OTUD7A: variants seen among roughly 807,000 people sequenced by gnomAD.
OTUD7A encodes OTU domain-containing protein 7A.
A neutral mutation model predicts 65.7 loss-of-function variants in OTUD7A; 12 were observed. That is an observed-to-expected ratio of 0.18 (90% CI 0.12 to 0.30). The LOEUF (loss-of-function observed/expected upper bound fraction) is 0.30. OTUD7A is among the 10% of genes least tolerant of loss of function. OTUD7A has a pLI of 1.00. For synonymous variants in OTUD7A, 641 were observed against 586.3 expected (o/e 1.09, Z -1.35); for missense variants, 1,148 against 1,304.8 (o/e 0.88, Z 1.85).
intron 8 of OTUD7A, among the ~76,000 whole-genome samples, chr15:31,523,051 C>G (rs998408057): frequency 5.3e-5 from 8 of 152,216 alleles, no homozygotes; most frequent in African/African-American, 1.7e-4. Context: ...CACCTTAGTT[C>G]TTCTCGCCAT....
At chr15:31,672,050 A>G (rs1254082651) in intron 1 of OTUD7A, among the ~76,000 whole-genome samples, 1 of 152,238 alleles carries the variant, frequency 6.6e-6, no homozygotes, top group Non-Finnish European at 1.5e-5. Context: ...TTAAATTAAT[A>G]TTAATAAACT....
At chr15:31,802,127 G>A (rs1248032847) in intron 1 of OTUD7A, among the ~76,000 whole-genome samples, 8 of 135,900 alleles carry the variant, frequency 5.9e-5, no homozygotes, top group African/African-American at 2.2e-4. Context: ...GTGTGTGTGT[G>A]TGTGTGTGTG....
intron 3 of OTUD7A, among the ~76,000 whole-genome samples, chr15:31,601,359 TC>T (rs1890068797): frequency 6.6e-6 from 1 of 152,074 alleles, no homozygotes; most frequent in Non-Finnish European, 1.5e-5. Context: ...CCTGAATGAC[TC>T]CTGGGTAAAT....
chr15:31,655,741 C>T (rs1891972223), intron 2 of OTUD7A, among the ~76,000 whole-genome samples: 1 of 152,212 alleles, frequency 6.6e-6, no homozygotes, highest in African/African-American at 2.4e-5. Context: ...TCATCACTAT[C>T]TCCAGCACTC....
At chr15:31,836,464 T>C (rs1441070713) in intron 1 of OTUD7A, among the ~76,000 whole-genome samples, 2 of 152,196 alleles carry the variant, frequency 1.3e-5, no homozygotes, top group East Asian at 1.9e-4. Context: ...TAACTCAAAA[T>C]TCCTTTCTCA....
At chr15:31,691,355 AC>A (rs1415646010) in intron 1 of OTUD7A, among the ~76,000 whole-genome samples, 27 of 152,058 alleles carry the variant, frequency 1.8e-4, no homozygotes, top group Non-Finnish European at 3.1e-4. Context: ...ATCTATAGTA[AC>A]CAAAAGAGCA....
intron 3 of OTUD7A, among the ~76,000 whole-genome samples, chr15:31,581,409 GA>G: frequency 6.6e-6 from 1 of 152,364 alleles, no homozygotes; most frequent in South Asian, 2.1e-4. Context: ...CCCCAGTAGG[GA>G]CTCTGTGTAG....
intron 8 of OTUD7A, among the ~76,000 whole-genome samples, chr15:31,512,109 G>A (rs1433161115): frequency 6.6e-6 from 1 of 152,076 alleles, no homozygotes; most frequent in Non-Finnish European, 1.5e-5. Context: ...TTACTGCCCC[G>A]CAGCTTTTTC....
At chr15:31,585,071 T>C (rs1008177259) in intron 3 of OTUD7A, among the ~76,000 whole-genome samples, 2 of 152,216 alleles carry the variant, frequency 1.3e-5, no homozygotes, top group Non-Finnish European at 2.9e-5. Context: ...GTGAGATGCA[T>C]GCACATTTCC....
chr15:31,852,678 T>C, intron 1 of OTUD7A, among the ~76,000 whole-genome samples: 1 of 152,196 alleles, frequency 6.6e-6, no homozygotes, highest in South Asian at 2.1e-4. Context: ...TGCTCCTCAA[T>C]GGGCTCATCT....
At chr15:31,773,971 T>C (rs934699706) in intron 1 of OTUD7A, among the ~76,000 whole-genome samples, 1 of 152,178 alleles carries the variant, frequency 6.6e-6, no homozygotes, top group East Asian at 1.9e-4. Flanking sequence ...TGTTTAATTG[T>C]CAAGAAGAAC....
intron 5 of OTUD7A, among the ~76,000 whole-genome samples, chr15:31,545,808 T>C (rs1359762364): frequency 2.0e-5 from 3 of 152,162 alleles, no homozygotes; most frequent in Non-Finnish European, 4.4e-5. Context: ...GGAAAACTAT[T>C]TGGACAACTG....
At chr15:31,833,331 T>G (rs1323223049) in intron 1 of OTUD7A, among the ~76,000 whole-genome samples, 1 of 152,246 alleles carries the variant, frequency 6.6e-6, no homozygotes, top group Non-Finnish European at 1.5e-5. Context: ...CCACGAGGTT[T>G]GGCCAATACA....
chr15:31,554,156 G>A (rs564985905), intron 5 of OTUD7A, among the ~76,000 whole-genome samples: 71 of 152,228 alleles, frequency 4.7e-4, no homozygotes, highest in African/African-American at 1.7e-3. Context: ...GCCCTCCAGC[G>A]GCATCCCGGG....
At chr15:31,850,193 A>T (rs977158957) in intron 1 of OTUD7A, among the ~76,000 whole-genome samples, 2 of 152,238 alleles carry the variant, frequency 1.3e-5, no homozygotes, top group African/African-American at 4.8e-5. Context: ...GGATTAAGAA[A>T]ATGTGGCACA....
intron 1 of OTUD7A, among the ~76,000 whole-genome samples, chr15:31,782,382 T>C (rs907635056): frequency 6.6e-6 from 1 of 152,220 alleles, no homozygotes; most frequent in Non-Finnish European, 1.5e-5. Context: ...AGACTAGGTA[T>C]GTTCCCTGAA....
At chr15:31,530,299 G>A (rs992048961) in intron 6 of OTUD7A, among the ~76,000 whole-genome samples, 5 of 152,140 alleles carry the variant, frequency 3.3e-5, no homozygotes, top group African/African-American at 1.2e-4. Flanking sequence ...CAAACACCCT[G>A]TCCATTCCTG....
At chr15:31,790,624 G>C (rs1895788657) in intron 1 of OTUD7A, among the ~76,000 whole-genome samples, 1 of 152,174 alleles carries the variant, frequency 6.6e-6, no homozygotes, top group Non-Finnish European at 1.5e-5. Flanking sequence ...GGAATTTCTG[G>C]GTGTGAACCT....
intron 5 of OTUD7A, among the ~76,000 whole-genome samples, chr15:31,555,652 C>T (rs1267201961): frequency 6.6e-6 from 1 of 152,124 alleles, no homozygotes; most frequent in Non-Finnish European, 1.5e-5. Flanking sequence ...GGCTGAGGGT[C>T]TTCACGTGAG....
Sources: gnomAD v4.1 joint callset for allele counts (sites outside exome capture counted in the v4.1 genomes callset) on GRCh38, gnomAD v4.1.1 for gene constraint, MANE v1.5 for transcripts, NCBI Gene and HGNC (gene_info 2026-07-23, HGNC 2026-07-21) for gene names.